The following RARB variants were observed in gnomAD, a reference collection of about 807,000 sequenced individuals.
RARB encodes HBV-activated protein.
A neutral mutation model predicts 51.9 loss-of-function variants in RARB; 17 were observed. That is an observed-to-expected ratio of 0.33 (90% CI 0.22 to 0.49). RARB has a LOEUF of 0.49. Among genes scored for constraint, RARB ranks in the 20% least tolerant of loss-of-function variants. The pLI is 0.99. For synonymous variants in RARB, 215 were observed against 195.4 expected (o/e 1.10, Z -0.84); for missense variants, 369 against 550.8 (o/e 0.67, Z 3.30).
At chr3:25,223,812 T>C (rs1161124046) in intron 5 of RARB, among the ~76,000 whole-genome samples, 1 of 152,232 alleles carries the variant, frequency 6.6e-6, no homozygotes, top group Non-Finnish European at 1.5e-5. Flanking sequence ...TTCAGATCTA[T>C]TTTTAGCACT....
At chr3:25,132,165 G>C (rs1026422743) in exon 4 of RARB, among the ~76,000 whole-genome samples, 2 of 151,766 alleles carry the variant, frequency 1.3e-5, no homozygotes, top group Non-Finnish European at 1.5e-5. Flanking sequence ...CTCAAGGAAG[G>C]CTTCAGTCTC....
chr3:25,128,359 C>T (rs1331437195), intron 3 of RARB, among the ~76,000 whole-genome samples: 2 of 150,342 alleles, frequency 1.3e-5, no homozygotes, highest in East Asian at 1.9e-4. Context: ...ATATAAAGTA[C>T]CTAGACTTAC....
chr3:25,216,734 C>CAT (rs892071910), intron 5 of RARB, among the ~76,000 whole-genome samples: 60 of 150,034 alleles, frequency 4.0e-4, no homozygotes, highest in South Asian at 8.5e-4. Flanking sequence ...ATAGGTACTA[C>CAT]ATATATATAT....
chr3:24,858,098 A>C (rs1342962141), intron 1 of RARB, among the ~76,000 whole-genome samples: 2 of 152,260 alleles, frequency 1.3e-5, no homozygotes, highest in Non-Finnish European at 2.9e-5. Flanking sequence ...TTCTTAAAAA[A>C]TGTTAGGATT....
chr3:25,353,305 T>C (rs1419077365), intron 5 of RARB, among the ~76,000 whole-genome samples: 1 of 152,152 alleles, frequency 6.6e-6, no homozygotes, highest in East Asian at 1.9e-4. Flanking sequence ...TGAATTAATT[T>C]TATATCACCA....
intron 2 of RARB, among the ~76,000 whole-genome samples, chr3:24,974,158 A>G (rs1267171534): frequency 6.6e-6 from 1 of 152,112 alleles, no homozygotes. Flanking sequence ...TTTAACATAA[A>G]GTGATGTTGA....
chr3:25,367,817 CA>C (rs369165017), intron 5 of RARB, among the ~76,000 whole-genome samples: 9 of 125,618 alleles, frequency 7.2e-5, no homozygotes, highest in African/African-American at 2.3e-4. Context: ...AAAAAACAAG[CA>C]AAAAAAAAAC....
chr3:25,253,751 T>C (rs1446336190), intron 5 of RARB, among the ~76,000 whole-genome samples: 1 of 152,148 alleles, frequency 6.6e-6, no homozygotes, highest in African/African-American at 2.4e-5. Flanking sequence ...GAGTTATCAG[T>C]TGTCAATAAG....
intron 5 of RARB, chr3:25,174,659 G>A: frequency 1.6e-6 from 2 of 1,213,970 alleles, no homozygotes; most frequent in Admixed American, 2.3e-5. Flanking sequence ...GGTATCCAGG[G>A]CAATTTCTTA....
intron 5 of RARB, among the ~76,000 whole-genome samples, chr3:25,253,805 T>C (rs1241219730): frequency 6.6e-6 from 1 of 152,156 alleles, no homozygotes; most frequent in African/African-American, 2.4e-5. Context: ...AAGACCCCTT[T>C]CTTTTCCATC....
At chr3:24,982,222 T>A (rs1404414067) in intron 2 of RARB, among the ~76,000 whole-genome samples, 1 of 152,190 alleles carries the variant, frequency 6.6e-6, no homozygotes, top group Non-Finnish European at 1.5e-5. Context: ...TCACCTCTAT[T>A]TTCTCTGGTT....
chr3:25,118,478 C>T (rs570387140), intron 3 of RARB, among the ~76,000 whole-genome samples: 5 of 152,210 alleles, frequency 3.3e-5, no homozygotes, highest in East Asian at 3.9e-4. Flanking sequence ...AAGGAAAGAC[C>T]ACTTTGTCTG....
At chr3:25,147,360 G>T (rs1700209888) in intron 4 of RARB, among the ~76,000 whole-genome samples, 1 of 152,114 alleles carries the variant, frequency 6.6e-6, no homozygotes, top group African/African-American at 2.4e-5. Context: ...TGTCAGGGCA[G>T]CCCCTTGTTC....
In RARB at chr3:25,379,370, C is replaced by A. The variant is rs150818206; in HGVS notation, c.179-81823C>A. 6.6e-5 allele frequency among the ~76,000 whole-genome samples: 10 copies of A among 152,292 alleles called. No individual in the cohort carries two copies. The East Asian group carries it at 1.7e-3, about 26-fold the overall frequency. The stretch of plus-strand genomic sequence containing the variant: ...ACAAAAAAAAATTACTAGACTCACA[C>A]TTAACTGAAGGTCCTAATTTCAACT... On this transcript the variant is annotated intron_variant, in intron 5 of 11. Coordinates refer to the RARB transcript ENST00000383772.
intron 4 of RARB, among the ~76,000 whole-genome samples, chr3:25,144,576 G>A (rs1393985234): frequency 3.3e-5 from 5 of 152,208 alleles, no homozygotes; most frequent in African/African-American, 1.2e-4. Context: ...GTTTCCCTAA[G>A]CCATACATTC....
intron 5 of RARB, among the ~76,000 whole-genome samples, chr3:25,339,665 C>T (rs1237831520): frequency 1.3e-5 from 2 of 151,434 alleles, no homozygotes; most frequent in Non-Finnish European, 2.9e-5. Flanking sequence ...AACACATACA[C>T]CCACAAAGGC....
rs138546180 is a variant in RARB at position 24,995,635 on chromosome 3, G to A, written c.-379-64490G>A. 7.9e-5 allele frequency among the ~76,000 whole-genome samples: 12 copies of A among 151,986 alleles called. 1 individual carries two copies. The East Asian group carries it at 1.5e-3, about 20-fold the overall frequency. Reference sequence around the variant, plus strand: ...TATATGGGCTTTATCATATTCAAGCGCTTTCTTTCCATCCCTAATTTGTTA... The same window carrying A: ...TATATGGGCTTTATCATATTCAAGCACTTTCTTTCCATCCCTAATTTGTTA... On this transcript the variant is annotated intron_variant, in intron 2 of 11. Coordinates refer to the RARB transcript ENST00000383772.
intron 5 of RARB, among the ~76,000 whole-genome samples, chr3:25,589,583 G>C (rs1701534122): frequency 6.6e-6 from 1 of 152,208 alleles, no homozygotes; most frequent in Non-Finnish European, 1.5e-5. Context: ...CTCTGCCTCT[G>C]GGGTCCCACA....
At chr3:25,548,311 C>G (rs1002106187) in intron 3 of RARB, among the ~76,000 whole-genome samples, 1 of 151,832 alleles carries the variant, frequency 6.6e-6, no homozygotes, top group East Asian at 1.9e-4. Flanking sequence ...AAATGGATAC[C>G]CTGATTGATT....
Sources: gnomAD v4.1 joint callset for allele counts (sites outside exome capture counted in the v4.1 genomes callset) on GRCh38, gnomAD v4.1.1 for gene constraint, MANE v1.5 for transcripts, NCBI Gene and HGNC (gene_info 2026-07-23, HGNC 2026-07-21) for gene names.